CACNA1E: variants seen among roughly 807,000 people sequenced by gnomAD.
The protein encoded by CACNA1E is calcium voltage-gated channel subunit alpha1 E.
CACNA1E carries 40 observed loss-of-function variants against 259.2 expected under a neutral mutation model. The observed-to-expected ratio is 0.15, with a 90% CI of 0.12 to 0.20. CACNA1E has a LOEUF of 0.20. CACNA1E is among the 10% of genes least tolerant of loss of function. The probability of loss-of-function intolerance (pLI) is 1.00; values close to 1 mark genes in which losing one functional copy is unlikely to be tolerated. For synonymous variants in CACNA1E, 1,104 were observed against 1,138.5 expected, an observed-to-expected ratio of 0.97 and a Z score of 0.61; for missense variants, 1,874 against 3,040.1, an observed-to-expected ratio of 0.62 and a Z score of 9.02.
intron 3 of CACNA1E, among the ~76,000 whole-genome samples, chr1:181,539,072 C>G (rs1668386413): frequency 2.6e-5 from 4 of 152,174 alleles, no homozygotes; most frequent in Admixed American, 2.0e-4. Flanking sequence ...TGCCTCCTTC[C>G]TTTTGAATGT....
At chr1:181,395,521 G>A (rs1656609968) in intron 1 of CACNA1E, among the ~76,000 whole-genome samples, 1 of 152,156 alleles carries the variant, frequency 6.6e-6, no homozygotes, top group Admixed American at 6.5e-5. Flanking sequence ...GACTGGATGA[G>A]GTCACCATCT....
intron 37 of CACNA1E, among the ~76,000 whole-genome samples, chr1:181,774,064 G>C (rs1659754725): frequency 6.6e-6 from 1 of 152,132 alleles, no homozygotes; most frequent in South Asian, 2.1e-4. Flanking sequence ...TGGAAGCTAA[G>C]AACAAAAAAT....
chr1:181,373,057 T>C (rs140354988), intron 1 of CACNA1E, among the ~76,000 whole-genome samples: 88 of 152,258 alleles, frequency 5.8e-4, no homozygotes, highest in Middle Eastern at 6.8e-3. Flanking sequence ...TGTTGAGGAT[T>C]TTTGTGCCTA....
chr1:181,334,965 C>T (rs1651582329), intron 1 of CACNA1E, among the ~76,000 whole-genome samples: 1 of 152,242 alleles, frequency 6.6e-6, no homozygotes, highest in African/African-American at 2.4e-5. Context: ...CCATCTCTCT[C>T]TATTCCAGTT....
Position 181,650,205 on chromosome 1 carries a change from TGA to T in CACNA1E, c.952-1129_952-1128del, listed in dbSNP as rs573681337. Among the ~76,000 whole-genome samples, 168 of 152,234 alleles carry T rather than the reference TGA, an allele frequency of 1.1e-3. 1 individual carries two copies. Among genetic ancestry groups the T allele is most frequent in the African/African-American group, 3.9e-3 (163 of 41,544 alleles). ...AAAATATGTTTTCAGAATTTAGTAG[TGA>T]GAGGGGGAAAAGGTAAATTGGAGGG... On this transcript the variant is annotated intron_variant, in intron 6 of 47. Transcript: ENST00000367573.
intron 45 of CACNA1E, among the ~76,000 whole-genome samples, chr1:181,794,237 G>A (rs562329595): frequency 2.1e-4 from 32 of 152,072 alleles, no homozygotes; most frequent in African/African-American, 3.6e-4. Context: ...CCTGTCTGTC[G>A]GTCTTACATC....
At chr1:181,512,080 T>A (rs1666216762) in intron 3 of CACNA1E, among the ~76,000 whole-genome samples, 1 of 152,264 alleles carries the variant, frequency 6.6e-6, no homozygotes, top group South Asian at 2.1e-4. Flanking sequence ...GAAATTAATA[T>A]AGCCATACGA....
intron 36 of CACNA1E, 150 bp downstream of exon 36, chr1:181,771,534 A>G (rs1572855908): frequency 1.6e-6 from 1 of 616,778 alleles, no homozygotes; most frequent in East Asian, 2.8e-5. Context: ...TCTTTGCCAA[A>G]CTGCCCCTAT....
intron 6 of CACNA1E, among the ~76,000 whole-genome samples, chr1:181,641,092 GAGA>G (rs1210899368): frequency 6.6e-6 from 1 of 152,228 alleles, no homozygotes; most frequent in Non-Finnish European, 1.5e-5. Flanking sequence ...CAAAGCCCTT[GAGA>G]ACTGTTTTCC....
At chr1:181,733,179 T>C (rs895999205) in intron 20 of CACNA1E, 145 bp downstream of exon 20, 1 of 1,294,766 alleles carries the variant, frequency 7.7e-7, no homozygotes, top group African/African-American at 1.5e-5. Context: ...TATGAATAAA[T>C]ATAACAGGCA....
intron 1 of CACNA1E, among the ~76,000 whole-genome samples, chr1:181,497,609 G>A: frequency 6.6e-6 from 1 of 152,162 alleles, no homozygotes; most frequent in East Asian, 1.9e-4. Context: ...GGGTGAAGTG[G>A]ATATTGTTCT....
intron 3 of CACNA1E, among the ~76,000 whole-genome samples, chr1:181,522,761 G>C (rs985018525): frequency 2.0e-5 from 3 of 152,174 alleles, no homozygotes; most frequent in African/African-American, 4.8e-5. Context: ...CGTATTCTCT[G>C]TTCTGGAGAC....
Position 181,735,601 on chromosome 1 carries a change from G to A in CACNA1E, c.3263-674G>A, listed in dbSNP as rs375333375. 2.4e-4 allele frequency among the ~76,000 whole-genome samples: 37 copies of A among 152,306 alleles called. No homozygotes were observed. The South Asian group carries it at 3.7e-3, about 15-fold the overall frequency. ...GCTCCCCTCGACCTCTGGCTCCTTC[G>A]TCCTCCCAATCCTTGGATGCAGTCA... is the stretch of plus-strand genomic sequence containing the variant. On this transcript the variant is annotated intron_variant, in intron 21 of 47. Transcript: ENST00000367573.
At chr1:181,742,093 CTTTG>C (rs1656633511) in intron 25 of CACNA1E, among the ~76,000 whole-genome samples, 1 of 152,198 alleles carries the variant, frequency 6.6e-6, no homozygotes, top group South Asian at 2.1e-4. Flanking sequence ...ACTCCCCCTC[CTTTG>C]GCCTTCGTCA....
At chr1:181,575,177 C>T (rs1002488055) in intron 3 of CACNA1E, among the ~76,000 whole-genome samples, 8 of 152,150 alleles carry the variant, frequency 5.3e-5, no homozygotes, top group African/African-American at 1.9e-4. Flanking sequence ...AGTTGGTAGC[C>T]CTCCTGCACT....
chr1:181,453,829 A>G (rs532157843), intron 2 of CACNA1E, among the ~76,000 whole-genome samples: 2 of 152,284 alleles, frequency 1.3e-5, no homozygotes, highest in Admixed American at 6.5e-5. Flanking sequence ...TTTCAGTTGT[A>G]TGCTTTGCAA....
intron 2 of CACNA1E, among the ~76,000 whole-genome samples, chr1:181,465,912 C>G (rs1450971799): frequency 6.6e-6 from 1 of 152,010 alleles, no homozygotes; most frequent in Non-Finnish European, 1.5e-5. Context: ...TGAGAGTAGC[C>G]TAATAGAGTA....
chr1:181,580,149 C>T (rs74130054), intron 5 of CACNA1E, among the ~76,000 whole-genome samples: 2,072 of 152,182 alleles, frequency 0.014, 42 homozygotes, highest in African/African-American at 0.046. Context: ...CAGGAATCCA[C>T]GCTGGAAAAA....
chr1:181,551,887 T>TC (rs58079248), intron 3 of CACNA1E, among the ~76,000 whole-genome samples: 14,612 of 151,852 alleles, frequency 0.096, 993 homozygotes, highest in African/African-American at 0.18. Context: ...CATCTTTCCT[T>TC]CCCCCCTCCT....
Sources: allele counts gnomAD v4.1 joint callset (sites outside exome capture counted in the v4.1 genomes callset), GRCh38; gene constraint gnomAD v4.1.1; transcripts MANE v1.5; gene names NCBI Gene and HGNC (gene_info 2026-07-23, HGNC 2026-07-21).